Variants in GLRA2 observed in about 807,000 individuals in gnomAD.
The protein encoded by GLRA2 is glycine receptor subunit alpha-2.
GLRA2 carries 11 observed loss-of-function variants against 31.6 expected under a neutral mutation model. The ratio of observed to expected loss-of-function variants is 0.35; its 90% CI spans 0.22 to 0.58. GLRA2 has a LOEUF of 0.58. Ranked by LOEUF, GLRA2 falls within the 20% of genes least tolerant of loss-of-function variation. The probability of loss-of-function intolerance (pLI) is 0.84; values close to 1 mark genes in which losing one functional copy is unlikely to be tolerated. For missense variants in GLRA2, 212 were observed against 351.8 expected (o/e 0.60, Z 3.18); for synonymous variants, 132 against 134.0 (o/e 0.99, Z 0.10).
chrX:14,477,069 C>T, the GLRA2 span, among the ~76,000 whole-genome samples: 15 of 111,560 alleles, frequency 1.3e-4, no homozygotes, highest in Non-Finnish European at 2.6e-4. Flanking sequence ...CAATCATCCT[C>T]TCTTGGTCAT....
intron 7 of GLRA2, among the ~76,000 whole-genome samples, chrX:14,630,155 T>G (rs2147118119): frequency 8.9e-6 from 1 of 111,947 alleles, no homozygotes; most frequent in African/African-American, 3.2e-5. Flanking sequence ...ATTTCAGCTT[T>G]TATACGTCTG....
chrX:14,597,322 T>C (rs935676833), intron 4 of GLRA2, among the ~76,000 whole-genome samples: 3 of 112,257 alleles, frequency 2.7e-5, no homozygotes, highest in African/African-American at 9.7e-5. Flanking sequence ...TGCCAAGAAG[T>C]TCCTATTTTA....
At chrX:14,704,094 C>CT (rs944434519) in intron 8 of GLRA2, among the ~76,000 whole-genome samples, 5 of 112,039 alleles carry the variant, frequency 4.5e-5, no homozygotes, top group Middle Eastern at 4.6e-3. Context: ...TTCTGGAGGA[C>CT]TTTTTGTGCC....
intron 2 of GLRA2, among the ~76,000 whole-genome samples, chrX:14,569,329 A>C (rs1169599160): frequency 1.8e-5 from 2 of 112,541 alleles, no homozygotes; most frequent in Non-Finnish European, 3.8e-5. Context: ...CATTATGAAG[A>C]AAGTGAAAAA....
the GLRA2 span, among the ~76,000 whole-genome samples, chrX:14,482,061 A>G: frequency 2.8e-4 from 32 of 112,388 alleles, no homozygotes; most frequent in Non-Finnish European, 5.3e-4. Flanking sequence ...AATGTGCTTT[A>G]AATCCTAATT....
chrX:14,664,824 G>T (rs760772320), intron 7 of GLRA2, among the ~76,000 whole-genome samples: 38 of 111,807 alleles, frequency 3.4e-4, no homozygotes, highest in Non-Finnish European at 1.9e-4. Context: ...GAGGGGAGGG[G>T]TCAGGGAAGG....
rs753650497 is a variant in GLRA2, at chrX:14,543,212, T to C, written c.202+10840T>C. On this transcript the variant is annotated intron_variant, in intron 2 of 8. Coordinates refer to ENST00000218075, the MANE Select transcript of GLRA2 (RefSeq NM_002063.4). Reference sequence around the variant, plus strand: ...GACCTGGAGCATGCCACTTAACCTCTTTGGGAGTCACTCTTGTCATCTGCA... The same window carrying C: ...GACCTGGAGCATGCCACTTAACCTCCTTGGGAGTCACTCTTGTCATCTGCA... Among the ~76,000 whole-genome samples, 3 of 96,561 alleles carry C rather than the reference T, an allele frequency of 3.1e-5. No individual in the cohort carries two copies. The South Asian group carries it at 1.6e-3, about 51-fold the overall frequency. The allele number at this position is 96,561 out of a possible 115,157, so 83.9% of individuals were successfully genotyped here.
upstream of GLRA2, among the ~76,000 whole-genome samples, chrX:14,527,199 C>T (rs1270862112): frequency 8.9e-6 from 1 of 111,922 alleles, no homozygotes; most frequent in Non-Finnish European, 1.9e-5. Flanking sequence ...ACTAGATCCT[C>T]TCTAATGTCC....
intron 8 of GLRA2, among the ~76,000 whole-genome samples, chrX:14,703,450 A>T (rs1297897199): frequency 8.9e-6 from 1 of 111,920 alleles, no homozygotes; most frequent in Non-Finnish European, 1.9e-5. Context: ...TCCATTTCTA[A>T]GAGTCATGTG....
Position 14,581,408 on chromosome X carries a change from T to TAAGC in GLRA2, c.494+3_494+6dup, listed in dbSNP as rs1410087117. The TAAGC allele has an allele frequency of 9.3e-6, 10 of 1,072,309 alleles. No homozygotes were observed. The highest frequency in any genetic ancestry group is 1.3e-5 in the Non-Finnish European group (10 of 769,551). 88.4% of individuals were successfully genotyped at this position (1,072,309 alleles called of 1,213,427 possible). A position where few individuals can be genotyped will look rare whatever the true frequency, so the allele number is the denominator to read the frequency against. ...TGGCAAAGTGCTCTACAGTATCAGGTAAGCCTCCATTGGCTGCACATGTTC... is the reference window on the plus strand; with the variant it reads ...TGGCAAAGTGCTCTACAGTATCAGGTAAGCAAGCCTCCATTGGCTGCACATGTTC... On this transcript the variant is annotated splice_region_variant and intron_variant, in intron 4 of 8. Transcript: ENST00000218075.
At chrX:14,589,441 T>C (rs151023720) in intron 4 of GLRA2, among the ~76,000 whole-genome samples, 22,687 of 102,250 alleles carry the variant, frequency 0.22, 2,620 homozygotes, top group Non-Finnish European at 0.33. Flanking sequence ...GGGTGGATCA[T>C]GAGGTCAGGA....
chrX:14,499,133 G>A, the GLRA2 span, among the ~76,000 whole-genome samples: 1 of 111,870 alleles, frequency 8.9e-6, no homozygotes, highest in African/African-American at 3.2e-5. Flanking sequence ...ATACCCAGCA[G>A]TGGAATTGCT....
At chrX:14,451,684 G>A in the GLRA2 span, among the ~76,000 whole-genome samples, 23 of 104,108 alleles carry the variant, frequency 2.2e-4, no homozygotes, top group African/African-American at 7.7e-4. Context: ...GTGGCAAGTT[G>A]GATTAAAAAA....
At chrX:14,551,962 G>C (rs1243587885) in intron 2 of GLRA2, among the ~76,000 whole-genome samples, 1 of 112,076 alleles carries the variant, frequency 8.9e-6, no homozygotes, top group East Asian at 2.8e-4. Context: ...TAATTTACTT[G>C]TTCTTTTCTT....
At position 14,623,191 on chromosome X, in the gene GLRA2, G is replaced by A. The variant is rs183035753; in HGVS notation, c.930+13986G>A. 3.1e-3 allele frequency among the ~76,000 whole-genome samples: 346 copies of A among 111,496 alleles called. 3 individuals carry two copies. The highest frequency in any genetic ancestry group is 0.01 in the African/African-American group (320 of 30,681). On this transcript the variant is annotated intron_variant, in intron 7 of 8. Transcript: ENST00000218075. ...ATAGGAAAGCTTGTGATTTTTGCAC[G>A]TTGATTTTGTATCCTGAGACTTTGC...
intron 3 of GLRA2, among the ~76,000 whole-genome samples, chrX:14,577,633 G>A (rs191346868): frequency 3.8e-4 from 42 of 111,777 alleles, no homozygotes; most frequent in Middle Eastern, 4.6e-3. Context: ...TGGTATTCTC[G>A]CATGGTAGAA....
chrX:14,648,279 G>A (rs1369196266), intron 7 of GLRA2, among the ~76,000 whole-genome samples: 2 of 111,408 alleles, frequency 1.8e-5, no homozygotes, highest in African/African-American at 6.5e-5. Flanking sequence ...AAATAATCAC[G>A]TACTCTAAGG....
At chrX:14,692,211 A>T (rs781742391) in intron 8 of GLRA2, among the ~76,000 whole-genome samples, 2 of 112,095 alleles carry the variant, frequency 1.8e-5, no homozygotes, top group Non-Finnish European at 3.8e-5. Context: ...GATAAGGAAA[A>T]CAAGTAAACA....
intron 7 of GLRA2, among the ~76,000 whole-genome samples, chrX:14,664,709 G>A (rs1242729930): frequency 8.9e-6 from 1 of 112,257 alleles, no homozygotes; most frequent in Non-Finnish European, 1.9e-5. Flanking sequence ...AACAGGACCT[G>A]ACAGCTGTTA....
Sources: gnomAD v4.1 joint callset for allele counts (sites outside exome capture counted in the v4.1 genomes callset) on GRCh38, gnomAD v4.1.1 for gene constraint, MANE v1.5 for transcripts, NCBI Gene and HGNC (gene_info 2026-07-23, HGNC 2026-07-21) for gene names.